The following PAK6 variants were observed in gnomAD, a reference collection of about 807,000 sequenced individuals.
PAK6 encodes p21 (RAC1) activated kinase 6, also known as serine/threonine-protein kinase PAK 6.
A neutral mutation model predicts 60.8 loss-of-function variants in PAK6; 33 were observed. The ratio of observed to expected loss-of-function variants is 0.54; its 90% CI spans 0.41 to 0.73. The LOEUF (loss-of-function observed/expected upper bound fraction) is 0.73. Ranked by LOEUF, PAK6 falls within the 30% of genes least tolerant of loss-of-function variation. The pLI is 0.00. For synonymous variants in PAK6, 404 were observed against 378.5 expected, an observed-to-expected ratio of 1.07 and a Z score of -0.78; for missense variants, 845 against 904.1, an observed-to-expected ratio of 0.93 and a Z score of 0.84.
At chr15:40,253,558 A>G (rs1414167276) in intron 3 of PAK6, among the ~76,000 whole-genome samples, 1 of 152,234 alleles carries the variant, frequency 6.6e-6, no homozygotes, top group Non-Finnish European at 1.5e-5. Context: ...GCCCATCTTC[A>G]GGTCTGATGC....
chr15:40,253,604 AGGG>A (rs2038751844), intron 3 of PAK6, among the ~76,000 whole-genome samples: 1 of 152,186 alleles, frequency 6.6e-6, no homozygotes, highest in Non-Finnish European at 1.5e-5. Context: ...GGCAGAGTGC[AGGG>A]AATTCATGCC....
rs563514856 is a variant in PAK6, at chr15:40,248,490, C to T, written c.-117-4688C>T. On this transcript the variant is annotated intron_variant, in intron 2 of 10. Transcript: ENST00000560346. ...TCCAGCACACGTGCCCCCACCTCCC[C>T]GGCAGGTCCTGCTTGAGGGCCTGAG... Among the ~76,000 whole-genome samples, 115 of 152,342 alleles carry T rather than the reference C, an allele frequency of 7.5e-4. 1 individual carries two copies. The highest frequency in any genetic ancestry group is 8.5e-4 in the Admixed American group (13 of 15,312).
At chr15:40,266,579 C>G in intron 5 of PAK6, 84 bp downstream of exon 5, 1 of 1,358,370 alleles carries the variant, frequency 7.4e-7, no homozygotes, top group Non-Finnish European at 9.9e-7. Context: ...CCTTGGAGGA[C>G]TGGCAAAGAG....
At chr15:40,273,698 C>T (rs374371997) in intron 9 of PAK6, 22 bp downstream of exon 9, 2 of 1,608,712 alleles carry the variant, frequency 1.2e-6, no homozygotes, top group Admixed American at 1.7e-5. Flanking sequence ...CTCCACCCCC[C>T]AGACCTCCCA....
At chr15:40,256,024 G>C (rs1237806790) in intron 3 of PAK6, among the ~76,000 whole-genome samples, 1 of 152,166 alleles carries the variant, frequency 6.6e-6, no homozygotes, top group Admixed American at 6.5e-5. Flanking sequence ...AGAGCCTGGA[G>C]TAGAGTAGGT....
chr15:40,274,887 C>T (rs2039406621), intron 10 of PAK6, among the ~76,000 whole-genome samples: 1 of 152,212 alleles, frequency 6.6e-6, no homozygotes, highest in African/African-American at 2.4e-5. Context: ...AGTGGCACCG[C>T]CATCTGGTGG....
At position 40,248,736 on chromosome 15, in the gene PAK6, C is replaced by T. The variant is rs75503130; in HGVS notation, c.-117-4442C>T. On this transcript the variant is annotated intron_variant, in intron 2 of 10. Coordinates refer to ENST00000560346, the Ensembl canonical transcript of PAK6. Reference sequence around the variant, plus strand: ...GGAAGGGACGGTCCTCCTACCCGCACCCCAGCCCTCTTGTGTCTCACGTGA... The same window carrying T: ...GGAAGGGACGGTCCTCCTACCCGCATCCCAGCCCTCTTGTGTCTCACGTGA... Among the ~76,000 whole-genome samples the T allele has an allele frequency of 5.7e-4, 64 of 112,074 alleles. 2 individuals are homozygous for T. In the East Asian group the frequency reaches 0.02, roughly 36 times the overall value. The allele number at this position is 112,074 out of a possible 152,430, so 73.5% of individuals were successfully genotyped here. A position where few individuals can be genotyped will look rare whatever the true frequency, so the allele number is the denominator to read the frequency against.
At chr15:40,253,252 G>GT in exon 3 of PAK6, 1 of 456,064 alleles carries the variant, frequency 2.2e-6, no homozygotes, top group Non-Finnish European at 4.4e-6. Context: ...CCCAGTGCGG[G>GT]TGAGGAGTCG....
intron 2 of PAK6, among the ~76,000 whole-genome samples, chr15:40,244,272 A>C (rs1362003163): frequency 7.1e-6 from 1 of 141,026 alleles, no homozygotes; most frequent in Non-Finnish European, 1.5e-5. Context: ...CGGAGGTTGT[A>C]GTGAGCTGGG....
rs964485439 is a variant in PAK6, at chr15:40,260,747, C to T, written c.-5-4034C>T. Among the ~76,000 whole-genome samples, 3 of 152,180 alleles carry T rather than the reference C, an allele frequency of 2.0e-5. No individual in the cohort carries two copies. The South Asian group carries it at 6.2e-4, about 32-fold the overall frequency. On this transcript the variant is annotated intron_variant, in intron 3 of 10. Transcript: ENST00000560346. ...AACTTGGGAATAATTGACATCTTTA[C>T]AGTATTGAACCTTCTCATCTATGAA... is the stretch of plus-strand genomic sequence containing the variant.
intron 5 of PAK6, among the ~76,000 whole-genome samples, chr15:40,269,884 A>C (rs1195423490): frequency 6.6e-6 from 1 of 152,256 alleles, no homozygotes; most frequent in African/African-American, 2.4e-5. Context: ...CAGCCTGTCC[A>C]CGTGGTACCC....
intron 2 of PAK6, among the ~76,000 whole-genome samples, chr15:40,242,288 C>T (rs1401103613): frequency 6.6e-6 from 1 of 152,226 alleles, no homozygotes; most frequent in African/African-American, 2.4e-5. Context: ...TTGAATTCCT[C>T]ACCCAAATGG....
At chr15:40,254,403 G>A (rs1321232615) in intron 3 of PAK6, among the ~76,000 whole-genome samples, 1 of 152,184 alleles carries the variant, frequency 6.6e-6, no homozygotes, top group African/African-American at 2.4e-5. Flanking sequence ...AGGGGTCCTT[G>A]GAGGGCGAGT....
chr15:40,242,198 C>G (rs2140937927), intron 2 of PAK6, among the ~76,000 whole-genome samples: 1 of 152,284 alleles, frequency 6.6e-6, no homozygotes, highest in South Asian at 2.1e-4. Flanking sequence ...GACAGCTGGC[C>G]TTCTTATGCC....
intron 2 of PAK6, among the ~76,000 whole-genome samples, chr15:40,248,206 G>A (rs914303694): frequency 6.6e-6 from 1 of 152,158 alleles, no homozygotes; most frequent in African/African-American, 2.4e-5. Flanking sequence ...GCCTGGCAGT[G>A]TCAGCTCCCT....
intron 5 of PAK6, among the ~76,000 whole-genome samples, chr15:40,271,873 C>T (rs2039311588): frequency 6.6e-6 from 1 of 152,230 alleles, no homozygotes; most frequent in African/African-American, 2.4e-5. Context: ...AAGAGTCTGC[C>T]TCACGGCAGC....
rs761436778 is a variant in PAK6, at chr15:40,266,031, A to G, written c.394A>G (p.Ser132Gly). Reference sequence around the variant, plus strand: ...CACCGACCCAGACATGTACCTCCAGAGCCCCCAGTCTGAGCGCACTGACCC... The same window carrying G: ...CACCGACCCAGACATGTACCTCCAGGGCCCCCAGTCTGAGCGCACTGACCC... The change falls in exon 5 of 11, where the codon AGC becomes GGC. Residue 132 changes from serine (S) to glycine (G), a missense_variant. Ser to Gly is a moderately conservative substitution (Grantham distance 56, BLOSUM62 0). Coordinates refer to ENST00000560346, the Ensembl canonical transcript of PAK6. 38 of 1,603,858 alleles carry G rather than the reference A, an allele frequency of 2.4e-5. No individual in the cohort carries two copies. Among genetic ancestry groups the G allele is most frequent in the Non-Finnish European group, 2.7e-5 (32 of 1,176,130 alleles).
At chr15:40,261,251 C>A (rs1013674521) in intron 3 of PAK6, among the ~76,000 whole-genome samples, 1 of 151,160 alleles carries the variant, frequency 6.6e-6, no homozygotes, top group African/African-American at 2.4e-5. Context: ...AAAATATTGA[C>A]CTTGAGCCTG....
intron 6 of PAK6, 33 bp from the exon 7 acceptor site, chr15:40,272,833 G>A: frequency 1.2e-6 from 2 of 1,609,222 alleles, no homozygotes; most frequent in Non-Finnish European, 1.7e-6. Context: ...TCTGGGCACT[G>A]TGCCTGGCAC....
Sources: allele counts gnomAD v4.1 joint callset (sites outside exome capture counted in the v4.1 genomes callset), GRCh38; gene constraint gnomAD v4.1.1; transcripts MANE v1.5; gene names NCBI Gene and HGNC (gene_info 2026-07-23, HGNC 2026-07-21).